FAM171A1: variants seen among roughly 807,000 people sequenced by gnomAD.
FAM171A1 encodes the protein protein FAM171A1.
In FAM171A1, 23 loss-of-function variants were observed where a neutral mutation model predicts 74.9. The observed-to-expected ratio is 0.31, with a 90% confidence interval of 0.22 to 0.44. The LOEUF (loss-of-function observed/expected upper bound fraction) is 0.44. Ranked by LOEUF, FAM171A1 falls within the 20% of genes least tolerant of loss-of-function variation. The pLI, the probability that FAM171A1 is intolerant of heterozygous loss-of-function variation, is 1.00. For synonymous variants in FAM171A1, 527 were observed against 505.7 expected (o/e 1.04, Z -0.57); for missense variants, 1,162 against 1,159.2 (o/e 1.00, Z -0.03).
chr10:15,321,952 T>C (rs191099520), intron 1 of FAM171A1, among the ~76,000 whole-genome samples: 1 of 152,358 alleles, frequency 6.6e-6, no homozygotes. Context: ...GTAGATACTG[T>C]TGCTGACTTT....
At chr10:15,256,511 A>C (rs919371630) in intron 3 of FAM171A1, among the ~76,000 whole-genome samples, 6 of 152,306 alleles carry the variant, frequency 3.9e-5, no homozygotes, top group African/African-American at 1.4e-4. Flanking sequence ...GCAGGTGCCC[A>C]AAATCATGAG....
intron 2 of FAM171A1, among the ~76,000 whole-genome samples, chr10:15,279,891 C>T (rs1459638651): frequency 6.8e-6 from 1 of 148,044 alleles, no homozygotes; most frequent in Non-Finnish European, 1.5e-5. Context: ...GAGACTCTGT[C>T]TTGAAAAATA....
intron 1 of FAM171A1, among the ~76,000 whole-genome samples, chr10:15,286,040 AC>A (rs1210983962): frequency 6.6e-6 from 1 of 152,206 alleles, no homozygotes; most frequent in African/African-American, 2.4e-5. Context: ...CCATTTGCTA[AC>A]TGGGAATGAT....
intron 1 of FAM171A1, among the ~76,000 whole-genome samples, chr10:15,350,853 G>A (rs1441511946): frequency 2.0e-5 from 3 of 152,202 alleles, no homozygotes; most frequent in Non-Finnish European, 2.9e-5. Context: ...ATGTTAAGCA[G>A]GCTGGTCTCA....
intron 3 of FAM171A1, among the ~76,000 whole-genome samples, chr10:15,259,450 C>T (rs1012576723): frequency 2.0e-5 from 3 of 151,472 alleles, no homozygotes; most frequent in African/African-American, 7.3e-5. Flanking sequence ...ACAATGATGA[C>T]AAAAAAAACA....
At chr10:15,294,504 C>G (rs1835138112) in intron 1 of FAM171A1, among the ~76,000 whole-genome samples, 1 of 152,182 alleles carries the variant, frequency 6.6e-6, no homozygotes, top group Admixed American at 6.5e-5. Context: ...ATTGCAGAGC[C>G]AAGGAGGAAG....
At chr10:15,229,614 ACCATTGTCACCC>A (rs1410029882) in intron 5 of FAM171A1, among the ~76,000 whole-genome samples, 12 of 129,022 alleles carry the variant, frequency 9.3e-5, no homozygotes, top group African/African-American at 3.1e-4. Flanking sequence ...CACCATCATC[ACCATTGTCACCC>A]CCATCACCAT....
chr10:15,352,682 A>C (rs2054894381), intron 1 of FAM171A1, among the ~76,000 whole-genome samples: 1 of 152,222 alleles, frequency 6.6e-6, no homozygotes, highest in South Asian at 2.1e-4. Context: ...ACACAACGAA[A>C]GTCTTTTGTC....
intron 5 of FAM171A1, among the ~76,000 whole-genome samples, chr10:15,230,250 A>C (rs1290941082): frequency 6.6e-6 from 1 of 152,232 alleles, no homozygotes; most frequent in Non-Finnish European, 1.5e-5. Flanking sequence ...TCCAAATTAA[A>C]GTCTACGGCT....
chr10:15,256,710 A>G (rs1234683830), intron 3 of FAM171A1, among the ~76,000 whole-genome samples: 1 of 152,166 alleles, frequency 6.6e-6, no homozygotes, highest in Non-Finnish European at 1.5e-5. Context: ...TCGATGTTAC[A>G]GAATACCGAT....
At chr10:15,365,640 T>C (rs554282434) in intron 1 of FAM171A1, among the ~76,000 whole-genome samples, 143 of 152,012 alleles carry the variant, frequency 9.4e-4, no homozygotes, top group African/African-American at 3.2e-3. Flanking sequence ...TGTGGTAGCA[T>C]GCACCTGTAA....
intron 1 of FAM171A1, among the ~76,000 whole-genome samples, chr10:15,341,526 T>G (rs1018770267): frequency 1.5e-4 from 23 of 152,230 alleles, no homozygotes; most frequent in African/African-American, 5.3e-4. Context: ...AAAGAAGATT[T>G]CTGATCGGAT....
intron 1 of FAM171A1, among the ~76,000 whole-genome samples, chr10:15,285,937 G>C (rs550896318): frequency 6.6e-6 from 1 of 152,342 alleles, no homozygotes; most frequent in South Asian, 2.1e-4. Flanking sequence ...CTGGGGTTCT[G>C]CAATTCTCAC....
upstream of FAM171A1, among the ~76,000 whole-genome samples, chr10:15,371,341 C>T (rs1344508526): frequency 2.7e-5 from 4 of 146,214 alleles, 1 homozygote; most frequent in African/African-American, 9.8e-5. Flanking sequence ...GCCCAGGCCC[C>T]GGGCCCGTGG....
chr10:15,235,887 T>C (rs1834281863), intron 5 of FAM171A1, among the ~76,000 whole-genome samples: 1 of 151,950 alleles, frequency 6.6e-6, no homozygotes, highest in Non-Finnish European at 1.5e-5. Context: ...CCTTCATCTC[T>C]CCCCAGTACC....
At chr10:15,353,214 A>C (rs1835898948) in intron 1 of FAM171A1, among the ~76,000 whole-genome samples, 1 of 152,218 alleles carries the variant, frequency 6.6e-6, no homozygotes, top group Non-Finnish European at 1.5e-5. Flanking sequence ...TAAAGGAGGC[A>C]TCTAAAAACC....
intron 2 of FAM171A1, among the ~76,000 whole-genome samples, chr10:15,276,852 T>A (rs1302014436): frequency 6.6e-6 from 1 of 152,046 alleles, no homozygotes; most frequent in Non-Finnish European, 1.5e-5. Context: ...ACCCAGCTAA[T>A]TTTCAAAATT....
intron 3 of FAM171A1, among the ~76,000 whole-genome samples, chr10:15,267,145 T>A (rs955097905): frequency 6.6e-6 from 1 of 152,142 alleles, no homozygotes; most frequent in East Asian, 1.9e-4. Flanking sequence ...GGGGGGCTAC[T>A]GCAGTGGTCT....
chr10:15,325,966 A>G (rs1459537504), intron 1 of FAM171A1, among the ~76,000 whole-genome samples: 1 of 152,212 alleles, frequency 6.6e-6, no homozygotes, highest in Non-Finnish European at 1.5e-5. Context: ...ACTTCAACCC[A>G]GTACAGATTA....
Sources: gnomAD v4.1 joint callset for allele counts (sites outside exome capture counted in the v4.1 genomes callset) on GRCh38, gnomAD v4.1.1 for gene constraint, MANE v1.5 for transcripts, NCBI Gene and HGNC (gene_info 2026-07-23, HGNC 2026-07-21) for gene names.